Variants in SLC14A2 observed in about 807,000 individuals in gnomAD.
SLC14A2 encodes urea transporter 2.
SLC14A2 carries 91 observed loss-of-function variants against 104.6 expected under a neutral mutation model. That is an observed-to-expected ratio of 0.87 (90% CI 0.73 to 1.04). The LOEUF (loss-of-function observed/expected upper bound fraction) is 1.04, where lower values mean the gene tolerates loss of function less well. Ranked by LOEUF, SLC14A2 falls within the 50% of genes least tolerant of loss-of-function variation. The probability of loss-of-function intolerance (pLI) is 0.00; values close to 1 mark genes in which losing one functional copy is unlikely to be tolerated. For missense variants in SLC14A2, 1,189 were observed against 1,156.0 expected, an observed-to-expected ratio of 1.03 and a Z score of -0.41; for synonymous variants, 476 against 466.4, an observed-to-expected ratio of 1.02 and a Z score of -0.27.
At chr18:45,182,912 G>A in the SLC14A2 span, among the ~76,000 whole-genome samples, 4 of 152,112 alleles carry the variant, frequency 2.6e-5, no homozygotes, top group Non-Finnish European at 5.9e-5. Context: ...AAGAATAAAG[G>A]CTACAGATTG....
Position 45,369,298 on chromosome 18 carries a change from T to G in SLC14A2, c.-124-113935T>G, listed in dbSNP as rs79009820. On this transcript the variant is annotated intron_variant, in intron 1 of 20. Transcript: ENST00000586448. ...ATCTTTCTACCTATGCACTTCTCTT[T>G]AGGGTTAAACAATAAGGGTGTTTGT... 4.7e-4 allele frequency among the ~76,000 whole-genome samples: 71 copies of G among 152,330 alleles called. No individual in the cohort carries two copies. In the East Asian group the frequency reaches 0.013, roughly 27 times the overall value.
intron 1 of SLC14A2, among the ~76,000 whole-genome samples, chr18:45,377,551 A>T (rs1430364536): frequency 6.6e-6 from 1 of 151,454 alleles, no homozygotes; most frequent in Non-Finnish European, 1.5e-5. Context: ...CATTTCACTC[A>T]TTTCCCCCTC....
chr18:45,602,525 G>T (rs758826529), intron 2 of SLC14A2, among the ~76,000 whole-genome samples: 7 of 152,186 alleles, frequency 4.6e-5, no homozygotes, highest in Non-Finnish European at 8.8e-5. Flanking sequence ...GTTAGCATAG[G>T]GGTCTTTGGT....
rs60977948 is a variant in SLC14A2 at position 45,542,035 on chromosome 18, G to GTTTTTTTTTTTTTTT, written c.-35+58736_-35+58750dup. 3.9e-4 allele frequency among the ~76,000 whole-genome samples: 21 copies of GTTTTTTTTTTTTTTT among 54,236 alleles called. 5 individuals carry two copies. The highest frequency in any genetic ancestry group is 5.0e-4 in the African/African-American group (8 of 16,070). The allele number at this position is 54,236 out of a possible 152,430, so 35.6% of individuals were successfully genotyped here. On this transcript the variant is annotated intron_variant, in intron 2 of 20. Transcript: ENST00000586448. ...GGGCTTGTTAGATGAAAGAGAGAGG[G>GTTTTTTTTTTTTTTT]TTTTTTTTTTTTTTTTTTTTTTTTT... is the stretch of plus-strand genomic sequence containing the variant.
At chr18:45,327,229 C>T (rs1034001970) in intron 1 of SLC14A2, among the ~76,000 whole-genome samples, 1 of 145,908 alleles carries the variant, frequency 6.9e-6, no homozygotes, top group Non-Finnish European at 1.5e-5. Context: ...TTGGTAGGAG[C>T]CATAATGTAA....
chr18:45,538,706 C>T (rs998473517), intron 2 of SLC14A2, among the ~76,000 whole-genome samples: 2 of 152,148 alleles, frequency 1.3e-5, no homozygotes, highest in African/African-American at 4.8e-5. Context: ...ATTAGTCACA[C>T]ACATCAACCC....
At chr18:45,586,415 G>T (rs562002231) in intron 2 of SLC14A2, among the ~76,000 whole-genome samples, 1 of 152,318 alleles carries the variant, frequency 6.6e-6, no homozygotes, top group African/African-American at 2.4e-5. Flanking sequence ...AACTTTGAAG[G>T]CCTTGGCACT....
In SLC14A2 at chr18:45,405,940, C is replaced by T. The variant is rs563132703; in HGVS notation, c.-124-77293C>T. 4.0e-5 allele frequency among the ~76,000 whole-genome samples: 6 copies of T among 150,514 alleles called. No homozygotes were observed. The South Asian group carries it at 1.1e-3, about 27-fold the overall frequency. The stretch of plus-strand genomic sequence containing the variant: ...ATGCTAACAGTCATCTAAGCTTCAG[C>T]GAGTTGTAATTTTTTTTACTGGTAG... On this transcript the variant is annotated intron_variant, in intron 1 of 20. Coordinates refer to the SLC14A2 transcript ENST00000586448.
chr18:45,433,204 C>G lies in SLC14A2; in HGVS notation c.-124-50029C>G, dbSNP rs1405964019. 2.0e-5 allele frequency among the ~76,000 whole-genome samples: 3 copies of G among 152,310 alleles called. No homozygotes were observed. In the East Asian group the frequency reaches 5.8e-4, roughly 29 times the overall value. On this transcript the variant is annotated intron_variant, in intron 1 of 20. Coordinates refer to the SLC14A2 transcript ENST00000586448. ...GGCAGGATCCTTTCCCTAACTAAGC[C>G]TCAGTTTTCCCATGCATACAGTGGA...
At chr18:45,532,500 T>G (rs2043710370) in intron 2 of SLC14A2, among the ~76,000 whole-genome samples, 1 of 139,642 alleles carries the variant, frequency 7.2e-6, no homozygotes, top group Non-Finnish European at 1.5e-5. Context: ...TGGCTGTTTG[T>G]CTGTTATTGG....
At chr18:45,325,821 T>C (rs1035678277) in intron 1 of SLC14A2, among the ~76,000 whole-genome samples, 1 of 152,242 alleles carries the variant, frequency 6.6e-6, no homozygotes, top group African/African-American at 2.4e-5. Context: ...CAAACCTGTG[T>C]GCCTGTGTTC....
intron 1 of SLC14A2, among the ~76,000 whole-genome samples, chr18:45,278,399 G>A (rs775598495): frequency 4.6e-5 from 7 of 152,132 alleles, no homozygotes; most frequent in Non-Finnish European, 4.4e-5. Context: ...AGCACCCACC[G>A]GTTGTCAAAT....
intron 1 of SLC14A2, among the ~76,000 whole-genome samples, chr18:45,396,034 A>G (rs577446793): frequency 1.3e-5 from 2 of 152,286 alleles, no homozygotes; most frequent in South Asian, 4.1e-4. Context: ...TTTGGCTAGC[A>G]TATCCCACAA....
chr18:45,585,337 T>TGATTATTGCCTCCCCTCTCTAGAATA lies in SLC14A2; in HGVS notation c.-34-39293_-34-39268dup, dbSNP rs535779668. Among the ~76,000 whole-genome samples the TGATTATTGCCTCCCCTCTCTAGAATA allele has an allele frequency of 7.9e-5, 12 of 152,354 alleles. 1 individual carries two copies. The East Asian group carries it at 1.9e-3, about 25-fold the overall frequency. On this transcript the variant is annotated intron_variant, in intron 2 of 20. Coordinates refer to the SLC14A2 transcript ENST00000586448. ...TAGCATATCATTTAGTGATATATTT[T>TGATTATTGCCTCCCCTCTCTAGAATA]GATTATTGCCTCCCCTCTCTAGAAT... is the stretch of plus-strand genomic sequence containing the variant.
chr18:45,511,113 T>G (rs1568251449), intron 2 of SLC14A2, among the ~76,000 whole-genome samples: 1 of 152,150 alleles, frequency 6.6e-6, no homozygotes. Flanking sequence ...TTTTCTTTTT[T>G]CCCAGCCTTC....
At chr18:45,289,236 T>C (rs2084845698) in intron 1 of SLC14A2, among the ~76,000 whole-genome samples, 1 of 152,148 alleles carries the variant, frequency 6.6e-6, no homozygotes, top group Non-Finnish European at 1.5e-5. Context: ...TTTAATCTTC[T>C]TTTTTACCAT....
intron 2 of SLC14A2, among the ~76,000 whole-genome samples, chr18:45,505,806 C>T (rs2612584): frequency 0.81 from 122,784 of 152,104 alleles, 50,624 homozygotes; most frequent in Non-Finnish European, 0.91. Context: ...TGTTTGTGTA[C>T]AGACCCGCCT....
At chr18:45,652,770 G>A (rs1471072021) in intron 10 of SLC14A2, among the ~76,000 whole-genome samples, 4 of 152,200 alleles carry the variant, frequency 2.6e-5, no homozygotes, top group East Asian at 1.9e-4. Flanking sequence ...TAGTCAAGGG[G>A]ACAAGATTAT....
chr18:45,582,806 C>G (rs1404586244), intron 2 of SLC14A2, among the ~76,000 whole-genome samples: 2 of 152,128 alleles, frequency 1.3e-5, no homozygotes, highest in Non-Finnish European at 2.9e-5. Flanking sequence ...TCCAATGTGA[C>G]ATACCCCTGG....
Sources: gnomAD v4.1 joint callset for allele counts (sites outside exome capture counted in the v4.1 genomes callset) on GRCh38, gnomAD v4.1.1 for gene constraint, MANE v1.5 for transcripts, NCBI Gene and HGNC (gene_info 2026-07-23, HGNC 2026-07-21) for gene names.